The following DMGDH variants were observed in gnomAD, a reference collection of about 807,000 sequenced individuals.
The protein encoded by DMGDH is dimethylglycine dehydrogenase.
A neutral mutation model predicts 95.2 loss-of-function variants in DMGDH; 76 were observed. The observed-to-expected ratio is 0.80, with a 90% CI of 0.66 to 0.97. DMGDH has a LOEUF of 0.97. DMGDH is among the 50% of genes least tolerant of loss of function. The pLI is 0.00. For synonymous variants in DMGDH, 345 were observed against 377.6 expected (o/e 0.91, Z 1.00); for missense variants, 987 against 1,055.0 (o/e 0.94, Z 0.89).
At chr5:79,005,992 A>C (rs1164540131) in intron 14 of DMGDH, among the ~76,000 whole-genome samples, 1 of 151,970 alleles carries the variant, frequency 6.6e-6, no homozygotes, top group African/African-American at 2.4e-5. Flanking sequence ...GGGTAACAAA[A>C]TGAGTTAGAC....
intron 6 of DMGDH, 128 bp downstream of exon 6, chr5:79,044,176 C>T: frequency 7.4e-7 from 1 of 1,351,870 alleles, no homozygotes; most frequent in Non-Finnish European, 1.1e-6. Flanking sequence ...AAACCTGTCA[C>T]CTCCAATGTC....
At chr5:79,007,667 G>T (rs181359040) in intron 14 of DMGDH, among the ~76,000 whole-genome samples, 106 of 152,138 alleles carry the variant, frequency 7.0e-4, no homozygotes, top group African/African-American at 2.4e-3. Context: ...TGACTTACAC[G>T]GTGTGATTTA....
At chr5:79,051,135 G>A (rs1468311042) in intron 5 of DMGDH, 152 bp downstream of exon 5, 9 of 853,490 alleles carry the variant, frequency 1.1e-5, no homozygotes, top group Admixed American at 3.9e-5. Flanking sequence ...AGTGATAGAG[G>A]GAGGGCTTTG....
chr5:79,021,729 T>A (rs1320746931), intron 14 of DMGDH: 3 of 1,286,984 alleles, frequency 2.3e-6, no homozygotes, highest in Non-Finnish European at 3.0e-6. Context: ...GTGGGGGAAG[T>A]GTCTATTAAT....
intron 2 of DMGDH, among the ~76,000 whole-genome samples, chr5:79,056,930 C>T (rs1561229330): frequency 1.3e-5 from 2 of 152,182 alleles, no homozygotes; most frequent in East Asian, 1.9e-4. Flanking sequence ...TGTGTGTTCC[C>T]TTAAGCAGAA....
At chr5:79,011,422 A>G (rs766312675) in intron 14 of DMGDH, among the ~76,000 whole-genome samples, 7 of 152,240 alleles carry the variant, frequency 4.6e-5, no homozygotes, top group Non-Finnish European at 4.4e-5. Flanking sequence ...ACATAAGTTA[A>G]CAATAACCAC....
intron 7 of DMGDH, among the ~76,000 whole-genome samples, chr5:79,039,942 C>T (rs769964222): frequency 6.6e-6 from 1 of 151,434 alleles, no homozygotes; most frequent in African/African-American, 2.4e-5. Context: ...GCCCCACCCA[C>T]CCCTAACCCC....
intron 2 of DMGDH, among the ~76,000 whole-genome samples, chr5:79,057,654 C>T (rs1755070403): frequency 6.6e-6 from 1 of 152,110 alleles, no homozygotes; most frequent in Non-Finnish European, 1.5e-5. Flanking sequence ...CCAAACATGC[C>T]CTGCTGCTTT....
rs1220209040 is a variant in DMGDH, at chr5:79,042,326, G to GGT, written c.1149_1150insAC (p.Pro384ThrfsTer13). ...CAGTAGTTTCTGACCCCCTGATGGG[G>GGT]CCCCACCATAGGCAGAATGTCAGGA... is the stretch of plus-strand genomic sequence containing the variant. On this transcript the variant is annotated frameshift_variant, in exon 7 of 16. Transcript: ENST00000255189. LOFTEE classifies it high-confidence loss of function. The GGT allele has an allele frequency of 3.7e-6, 6 of 1,614,172 alleles. No individual in the cohort carries two copies. The highest frequency in any genetic ancestry group is 5.1e-6 in the Non-Finnish European group (6 of 1,180,028).
intron 5 of DMGDH, among the ~76,000 whole-genome samples, chr5:79,047,874 A>G (rs1316194318): frequency 1.3e-5 from 2 of 152,206 alleles, no homozygotes; most frequent in Non-Finnish European, 2.9e-5. Context: ...GAACCCACCC[A>G]GAACACCTGA....
At chr5:79,005,233 A>G (rs1170373018) in intron 15 of DMGDH, 40 bp downstream of exon 15, 1 of 1,612,184 alleles carries the variant, frequency 6.2e-7, no homozygotes, top group Non-Finnish European at 8.5e-7. Context: ...CTGTTGCAGA[A>G]GATGCCACAG....
Position 79,069,499 on chromosome 5 carries a change from GC to G in DMGDH, c.101+20del. ...CCCGCAGCCGCCCCGTCGCCTCTGA[GC>G]AGGACGGGGCCCCACTCACCCTTCC... On this transcript the variant is annotated intron_variant, in intron 1 of 15. Transcript: ENST00000255189. 8.0e-7 allele frequency: 1 copy of G among 1,254,882 alleles called. No homozygotes were observed. Among genetic ancestry groups the G allele is most frequent in the South Asian group, 3.1e-5 (1 of 32,272 alleles). The allele number at this position is 1,254,882 out of a possible 1,614,324, so 77.7% of individuals were successfully genotyped here. A position where few individuals can be genotyped will look rare whatever the true frequency, so the allele number is the denominator to read the frequency against.
chr5:79,011,742 G>C (rs1273826749), intron 14 of DMGDH, among the ~76,000 whole-genome samples: 3 of 152,138 alleles, frequency 2.0e-5, no homozygotes, highest in Non-Finnish European at 4.4e-5. Context: ...AAGAGATAGA[G>C]TGCAGAAAGA....
intron 4 of DMGDH, 73 bp downstream of exon 4, chr5:79,054,111 G>C: frequency 6.4e-7 from 1 of 1,551,950 alleles, no homozygotes; most frequent in Non-Finnish European, 8.8e-7. Context: ...TCTGTTTTTA[G>C]TTAACTTCTT....
At position 79,033,287 on chromosome 5, in the gene DMGDH, G is replaced by A. The variant is rs779885442; in HGVS notation, c.1315C>T (p.Gln439Ter). Residue 439 changes from glutamine to a stop codon, truncating the protein, a stop_gained, in exon 8 of 16, where the codon CAG becomes TAG. Transcript: ENST00000255189. LOFTEE classifies it high-confidence loss of function. Reference protein sequence around the residue: ...PNRYGKWTTTQYTEAKARESY... With the variant: ...PNRYGKWTTT ...TCTCTTGCTTTGGCCTCAGTGTACTGGGTTGTTGTCCATTTGCCATAGCGA... is the reference window on the plus strand; with the variant it reads ...TCTCTTGCTTTGGCCTCAGTGTACTAGGTTGTTGTCCATTTGCCATAGCGA... 8 of 1,614,118 alleles carry A rather than the reference G, an allele frequency of 5.0e-6. No homozygotes were observed. The South Asian group carries it at 6.6e-5, about 13-fold the overall frequency.
intron 7 of DMGDH, among the ~76,000 whole-genome samples, chr5:79,037,133 A>C (rs1353369664): frequency 6.6e-6 from 1 of 151,984 alleles, no homozygotes; most frequent in Non-Finnish European, 1.5e-5. Flanking sequence ...GTGATCTCAG[A>C]CCTCCAGCCT....
chr5:79,043,244 A>G (rs1411245652), intron 6 of DMGDH, among the ~76,000 whole-genome samples: 3 of 152,190 alleles, frequency 2.0e-5, no homozygotes, highest in Non-Finnish European at 4.4e-5. Flanking sequence ...ACCCATGCTC[A>G]CAGACAGCTA....
intron 3 of DMGDH, among the ~76,000 whole-genome samples, chr5:79,054,549 G>A (rs1754966507): frequency 6.6e-6 from 1 of 152,186 alleles, no homozygotes; most frequent in Admixed American, 6.5e-5. Context: ...TTCGGAGCCA[G>A]GCACTATTCT....
chr5:79,042,346 T>C lies in DMGDH; in HGVS notation c.1130A>G (p.Asp377Gly). ...ATGGGGCCCCACCATAGGCAGAATG[T>C]CAGGAGAATACGTGATAGGACCATT... is the stretch of plus-strand genomic sequence containing the variant. ...VVNGPITYSP[D>G]ILPMVGPHQG... Residue 377 changes from aspartate to glycine, a missense_variant, in exon 7 of 16, where the codon GAC (aspartate) becomes GGC (glycine). Physicochemically the swap from Asp to Gly is moderately conservative, Grantham distance 94 (BLOSUM62 -1). Transcript: ENST00000255189. The C allele has an allele frequency of 3.7e-6, 6 of 1,614,242 alleles. No individual in the cohort carries two copies. Among genetic ancestry groups the C allele is most frequent in the Non-Finnish European group, 5.1e-6 (6 of 1,180,044 alleles).
Sources: gnomAD v4.1 joint callset for allele counts (sites outside exome capture counted in the v4.1 genomes callset) on GRCh38, gnomAD v4.1.1 for gene constraint, MANE v1.5 for transcripts, NCBI Gene and HGNC (gene_info 2026-07-23, HGNC 2026-07-21) for gene names.